Variants in PHF14 observed in about 807,000 individuals in gnomAD.
The protein encoded by PHF14 is PHD finger protein 14.
In PHF14, 55 loss-of-function variants were observed where a neutral mutation model predicts 117.9. The ratio of observed to expected loss-of-function variants is 0.47; its 90% confidence interval spans 0.38 to 0.58. PHF14 has a LOEUF of 0.58. Among genes scored for constraint, PHF14 ranks in the 20% least tolerant of loss-of-function variants. PHF14 has a pLI of 0.00. For synonymous variants in PHF14, 409 were observed against 368.6 expected (o/e 1.11, Z -1.26); for missense variants, 978 against 1,122.2 (o/e 0.87, Z 1.84).
intron 13 of PHF14, among the ~76,000 whole-genome samples, chr7:11,044,819 A>G (rs1784613989): frequency 6.6e-6 from 1 of 152,146 alleles, no homozygotes; most frequent in African/African-American, 2.4e-5. Context: ...TCCCTTATCC[A>G]AAGTGCTGGG....
At chr7:11,122,352 T>TATATATATATATATATATATACACACAC in intron 17 of PHF14, among the ~76,000 whole-genome samples, 67 of 65,778 alleles carry the variant, frequency 1.0e-3, no homozygotes, top group Non-Finnish European at 1.4e-3. Context: ...TATATATATA[T>TATATATATATATATATATATACACACAC]ACACACACAC....
intron 5 of PHF14, chr7:11,014,791 A>C (rs1783474111): frequency 6.6e-6 from 1 of 152,150 alleles, no homozygotes; most frequent in Non-Finnish European, 1.5e-5. Flanking sequence ...GCAATTAATA[A>C]GTGGCACAAA....
intron 16 of PHF14, among the ~76,000 whole-genome samples, chr7:11,096,763 G>A (rs552274447): frequency 5.1e-4 from 77 of 152,204 alleles, no homozygotes; most frequent in African/African-American, 1.8e-3. Flanking sequence ...CCACAGGACA[G>A]TCATGGTGAT....
At chr7:11,111,718 A>T (rs1050024964) in intron 17 of PHF14, among the ~76,000 whole-genome samples, 1 of 152,102 alleles carries the variant, frequency 6.6e-6, no homozygotes, top group East Asian at 1.9e-4. Context: ...ATTGTAACAT[A>T]TTAAATAGTG....
At chr7:11,030,869 G>C (rs1784098426) in intron 7 of PHF14, among the ~76,000 whole-genome samples, 1 of 152,130 alleles carries the variant, frequency 6.6e-6, no homozygotes, top group Non-Finnish European at 1.5e-5. Flanking sequence ...TATAAACAGA[G>C]AATTAGAAAA....
At chr7:11,050,978 G>C (rs1448705087) in intron 13 of PHF14, among the ~76,000 whole-genome samples, 1 of 152,022 alleles carries the variant, frequency 6.6e-6, no homozygotes, top group Non-Finnish European at 1.5e-5. Flanking sequence ...GTCCTTGAAG[G>C]ACTTTGATTT....
chr7:11,097,548 T>C (rs1367460027), intron 16 of PHF14, among the ~76,000 whole-genome samples: 1 of 152,184 alleles, frequency 6.6e-6, no homozygotes, highest in Admixed American at 6.5e-5. Flanking sequence ...ATTTGAGATA[T>C]TGAGCTCTTC....
chr7:11,058,965 A>G (rs1785111995), intron 14 of PHF14, among the ~76,000 whole-genome samples: 1 of 152,078 alleles, frequency 6.6e-6, no homozygotes, highest in Admixed American at 6.5e-5. Flanking sequence ...GAAATTGTTT[A>G]TGTGTCTTGT....
At chr7:11,043,382 A>G (rs1198769113) in intron 13 of PHF14, among the ~76,000 whole-genome samples, 1 of 152,070 alleles carries the variant, frequency 6.6e-6, no homozygotes, top group Non-Finnish European at 1.5e-5. Context: ...TTTTACTCCA[A>G]GAAAGGGACA....
rs1781782266 is a variant in PHF14, at chr7:10,974,209, T to A, written c.-115T>A. ...CTGTCCGGCTGGCTGCGCGCCGGTT[T>A]TAAATAGCATCTTTCGGACTTGTCT... On this transcript the variant is annotated 5_prime_UTR_variant, in exon 1 of 18. Transcript: ENST00000634607. 6.5e-6 allele frequency: 6 copies of A among 927,192 alleles called. No individual in the cohort carries two copies. In the South Asian group the frequency reaches 7.0e-5, roughly 11 times the overall value. The allele number at this position is 927,192 out of a possible 1,614,324, so 57.4% of individuals were successfully genotyped here.
chr7:11,157,816 A>G (rs372284209), intron 17 of PHF14, among the ~76,000 whole-genome samples: 1 of 152,316 alleles, frequency 6.6e-6, no homozygotes, highest in African/African-American at 2.4e-5. Context: ...AGCTGAAATC[A>G]TAGAAATACT....
At chr7:10,986,828 TC>T (rs777937104) in intron 3 of PHF14, among the ~76,000 whole-genome samples, 2 of 152,230 alleles carry the variant, frequency 1.3e-5, no homozygotes, top group African/African-American at 2.4e-5. Flanking sequence ...TGAGAATTAA[TC>T]CATGACCGTA....
intron 17 of PHF14, among the ~76,000 whole-genome samples, chr7:11,150,629 G>T (rs1253236760): frequency 1.3e-5 from 2 of 152,100 alleles, no homozygotes; most frequent in Non-Finnish European, 2.9e-5. Flanking sequence ...AGATTTATTT[G>T]TATATTAGAA....
At chr7:11,122,429 GTA>G (rs1469918569) in intron 17 of PHF14, among the ~76,000 whole-genome samples, 28 of 86,258 alleles carry the variant, frequency 3.2e-4, no homozygotes, top group South Asian at 1.1e-3. Context: ...ATATATACAC[GTA>G]TATATATATA....
At chr7:11,149,002 A>G (rs1432337484) in intron 17 of PHF14, among the ~76,000 whole-genome samples, 2 of 152,144 alleles carry the variant, frequency 1.3e-5, no homozygotes, top group African/African-American at 2.4e-5. Context: ...TCATTCCTTG[A>G]AATAGGGTTT....
At chr7:11,116,497 TCTTTGTAAATAACTC>T (rs1023762671) in intron 17 of PHF14, among the ~76,000 whole-genome samples, 9 of 152,022 alleles carry the variant, frequency 5.9e-5, no homozygotes, top group South Asian at 2.1e-4. Context: ...TTCCTTTTCA[TCTTTGTAAATAACTC>T]CTTTGTAAAT....
chr7:11,023,395 C>T (rs1250237188), intron 6 of PHF14, among the ~76,000 whole-genome samples: 1 of 152,126 alleles, frequency 6.6e-6, no homozygotes, highest in East Asian at 1.9e-4. Flanking sequence ...TGGGGCGTGC[C>T]GTTAACATGC....
chr7:11,016,285 A>G (rs940073621), intron 5 of PHF14, among the ~76,000 whole-genome samples: 1 of 152,206 alleles, frequency 6.6e-6, no homozygotes, highest in Non-Finnish European at 1.5e-5. Flanking sequence ...TTAAAGGTAT[A>G]AAAAGCCAAG....
At chr7:11,045,537 C>T (rs1387542338) in intron 13 of PHF14, among the ~76,000 whole-genome samples, 2 of 152,292 alleles carry the variant, frequency 1.3e-5, no homozygotes, top group East Asian at 3.9e-4. Context: ...ATATCATATT[C>T]TACTCTAATA....
Sources: allele counts gnomAD v4.1 joint callset (sites outside exome capture counted in the v4.1 genomes callset), GRCh38; gene constraint gnomAD v4.1.1; transcripts MANE v1.5; gene names NCBI Gene and HGNC (gene_info 2026-07-23, HGNC 2026-07-21).